LRFN2: variants seen among roughly 807,000 people sequenced by gnomAD.
LRFN2 encodes leucine rich repeat and fibronectin type III domain containing 2.
Under a neutral mutation model 37.3 loss-of-function variants are expected in LRFN2, and 18 were observed. The ratio of observed to expected loss-of-function variants is 0.48; its 90% CI spans 0.33 to 0.72. The LOEUF is 0.72. Among genes scored for constraint, LRFN2 ranks in the 30% least tolerant of loss-of-function variants. The probability of loss-of-function intolerance (pLI) is 0.02; values close to 1 mark genes in which losing one functional copy is unlikely to be tolerated. For missense variants in LRFN2, 1,006 were observed against 1,060.7 expected, an observed-to-expected ratio of 0.95 and a Z score of 0.72; for synonymous variants, 556 against 466.6, an observed-to-expected ratio of 1.19 and a Z score of -2.47.
At chr6:40,507,573 T>C (rs143938617) in intron 1 of LRFN2, among the ~76,000 whole-genome samples, 1 of 152,316 alleles carries the variant, frequency 6.6e-6, no homozygotes, top group East Asian at 1.9e-4. Flanking sequence ...AGGGCCTTCT[T>C]TTTTAAGGTT....
rs1764575932 is a variant in LRFN2, at chr6:40,470,737, G to T, written c.-18-37606C>A. On this transcript the variant is annotated intron_variant, in intron 1 of 2. Transcript: ENST00000338305. ...CCAGGCCCCAGGTTCAGCCCACCTG[G>T]CTTCCCCTTGCCTCAGCTCCTGCAT... Among the ~76,000 whole-genome samples the T allele has an allele frequency of 2.0e-5, 3 of 152,202 alleles. No homozygotes were observed. The South Asian group carries it at 6.2e-4, about 31-fold the overall frequency.
chr6:40,463,653 A>C (rs1282403039), intron 1 of LRFN2, among the ~76,000 whole-genome samples: 1 of 143,460 alleles, frequency 7.0e-6, no homozygotes, highest in Non-Finnish European at 1.5e-5. Context: ...CATACATCAT[A>C]CTATTTCTTT....
chr6:40,482,446 G>T (rs1158508416), intron 1 of LRFN2, among the ~76,000 whole-genome samples: 3 of 152,112 alleles, frequency 2.0e-5, no homozygotes, highest in Non-Finnish European at 4.4e-5. Flanking sequence ...TCCTCCCCTT[G>T]GGGGAATCCT....
chr6:40,451,745 C>A (rs1764115498), intron 1 of LRFN2, among the ~76,000 whole-genome samples: 1 of 152,154 alleles, frequency 6.6e-6, no homozygotes, highest in African/African-American at 2.4e-5. Flanking sequence ...AACTCTCTGC[C>A]ACTCCCTAGT....
At chr6:40,440,420 T>C (rs554670414) in intron 1 of LRFN2, among the ~76,000 whole-genome samples, 1 of 152,298 alleles carries the variant, frequency 6.6e-6, no homozygotes, top group South Asian at 2.1e-4. Context: ...TCTGAGTCGA[T>C]GGTAGCAAAT....
intron 1 of LRFN2, among the ~76,000 whole-genome samples, chr6:40,529,081 G>T (rs1766305028): frequency 6.6e-6 from 1 of 152,138 alleles, no homozygotes; most frequent in South Asian, 2.1e-4. Context: ...AGGCCTCAGG[G>T]TGGAAAATGA....
At chr6:40,470,175 C>T (rs1004333793) in intron 1 of LRFN2, among the ~76,000 whole-genome samples, 3 of 152,128 alleles carry the variant, frequency 2.0e-5, no homozygotes, top group Non-Finnish European at 4.4e-5. Flanking sequence ...AACATGGCTC[C>T]CCAAGGCATG....
At chr6:40,534,641 C>T (rs988523739) in intron 1 of LRFN2, among the ~76,000 whole-genome samples, 1 of 152,130 alleles carries the variant, frequency 6.6e-6, no homozygotes, top group African/African-American at 2.4e-5. Context: ...TGAGAAAATA[C>T]ACACAGTGAG....
At chr6:40,571,317 T>G (rs1767182841) in intron 1 of LRFN2, among the ~76,000 whole-genome samples, 1 of 152,172 alleles carries the variant, frequency 6.6e-6, no homozygotes, top group African/African-American at 2.4e-5. Flanking sequence ...GGCAACACAT[T>G]GAAGAATTTC....
At chr6:40,561,033 G>GAAGTATCCTTCACC (rs1306836142) in intron 1 of LRFN2, among the ~76,000 whole-genome samples, 1 of 152,198 alleles carries the variant, frequency 6.6e-6, no homozygotes, top group Admixed American at 6.5e-5. Flanking sequence ...ACTCAGTGCA[G>GAAGTATCCTTCACC]AAGTATCCTT....
chr6:40,426,941 G>C (rs957698258), intron 2 of LRFN2, among the ~76,000 whole-genome samples: 3 of 152,148 alleles, frequency 2.0e-5, no homozygotes, highest in Non-Finnish European at 2.9e-5. Flanking sequence ...ACTTCCATTA[G>C]CGCAACTAAA....
At chr6:40,494,756 T>C (rs907418398) in intron 1 of LRFN2, among the ~76,000 whole-genome samples, 11 of 152,186 alleles carry the variant, frequency 7.2e-5, no homozygotes, top group Non-Finnish European at 1.5e-4. Flanking sequence ...GCCCCATGAT[T>C]GTCATCTCCT....
chr6:40,518,855 C>G (rs1019147333), intron 1 of LRFN2, among the ~76,000 whole-genome samples: 2 of 152,166 alleles, frequency 1.3e-5, no homozygotes, highest in Admixed American at 6.5e-5. Context: ...GATGCTTGAA[C>G]TGAGCCAGGG....
chr6:40,394,898 T>G (rs1207354053), intron 2 of LRFN2, among the ~76,000 whole-genome samples: 1 of 152,124 alleles, frequency 6.6e-6, no homozygotes, highest in Non-Finnish European at 1.5e-5. Context: ...TTTGCCATGA[T>G]TGTGAGGCCT....
At chr6:40,470,484 C>T (rs938990281) in intron 1 of LRFN2, among the ~76,000 whole-genome samples, 1 of 152,114 alleles carries the variant, frequency 6.6e-6, no homozygotes, top group Non-Finnish European at 1.5e-5. Flanking sequence ...GTGGCATGCA[C>T]CTGTAGTCCC....
At chr6:40,488,000 C>T (rs1353451668) in intron 1 of LRFN2, among the ~76,000 whole-genome samples, 2 of 152,140 alleles carry the variant, frequency 1.3e-5, no homozygotes, top group African/African-American at 4.8e-5. Flanking sequence ...CCCAGGCTCC[C>T]CAGTCACAGC....
At chr6:40,395,595 GGAGCTAA>G (rs1762599417) in intron 2 of LRFN2, among the ~76,000 whole-genome samples, 1 of 152,146 alleles carries the variant, frequency 6.6e-6, no homozygotes, top group Non-Finnish European at 1.5e-5. Flanking sequence ...TGAGATGGCA[GGAGCTAA>G]GCACACCCAG....
chr6:40,411,571 C>T lies in LRFN2; in HGVS notation c.1401-18659G>A, dbSNP rs555450984. On this transcript the variant is annotated intron_variant, in intron 2 of 2. Transcript: ENST00000338305. ...TGCCTCTCTGCCCCATCTCGCCCAC[C>T]CTGCCCTGCACTCTGTGCTTCAGCC... is the stretch of plus-strand genomic sequence containing the variant. Among the ~76,000 whole-genome samples the T allele has an allele frequency of 4.8e-3, 729 of 152,294 alleles. 8 individuals are homozygous for T. Among genetic ancestry groups the T allele is most frequent in the African/African-American group, 0.016 (674 of 41,568 alleles).
intron 1 of LRFN2, among the ~76,000 whole-genome samples, chr6:40,477,392 C>T (rs572351853): frequency 1.4e-4 from 21 of 152,292 alleles, no homozygotes; most frequent in African/African-American, 4.1e-4. Flanking sequence ...TGGCTGCCTG[C>T]TTTCAACAAG....
Sources: gnomAD v4.1 joint callset for allele counts (sites outside exome capture counted in the v4.1 genomes callset) on GRCh38, gnomAD v4.1.1 for gene constraint, MANE v1.5 for transcripts, NCBI Gene and HGNC (gene_info 2026-07-23, HGNC 2026-07-21) for gene names.